Variants in CLOCK observed in about 807,000 individuals in gnomAD.
The protein encoded by CLOCK is clock circadian regulator.
A neutral mutation model predicts 118.4 loss-of-function variants in CLOCK; 43 were observed. The observed-to-expected ratio is 0.36, with a 90% confidence interval of 0.28 to 0.47. The LOEUF (loss-of-function observed/expected upper bound fraction) is 0.47, where lower values mean the gene tolerates loss of function less well. CLOCK is among the 20% of genes least tolerant of loss of function. CLOCK has a pLI of 1.00. For synonymous variants in CLOCK, 326 were observed against 339.2 expected, an observed-to-expected ratio of 0.96 and a Z score of 0.43; for missense variants, 846 against 999.9, an observed-to-expected ratio of 0.85 and a Z score of 2.08.
chr4:55,469,933 C>T (rs1726013530), intron 8 of CLOCK, among the ~76,000 whole-genome samples: 1 of 152,102 alleles, frequency 6.6e-6, no homozygotes, highest in East Asian at 1.9e-4. Flanking sequence ...GTCTCAAATG[C>T]CTGAGCTCAA....
chr4:55,522,158 CA>C (rs1729884164), intron 1 of CLOCK, among the ~76,000 whole-genome samples: 2 of 151,990 alleles, frequency 1.3e-5, no homozygotes, highest in Non-Finnish European at 2.9e-5. Context: ...GAAGGCAAAA[CA>C]TATCAATTTT....
chr4:55,486,597 TA>T (rs1727314331), intron 3 of CLOCK: 1 of 152,216 alleles, frequency 6.6e-6, no homozygotes, highest in African/African-American at 2.4e-5. Context: ...TTCGTAAGTC[TA>T]AAACTGTCAT....
intron 11 of CLOCK, 40 bp downstream of exon 11, chr4:55,458,851 TG>T: frequency 7.1e-7 from 1 of 1,416,458 alleles, no homozygotes; most frequent in South Asian, 1.2e-5. Context: ...TCTCAGCATA[TG>T]AACTGAAATC....
intron 6 of CLOCK, among the ~76,000 whole-genome samples, chr4:55,477,963 A>G (rs1726636112): frequency 6.6e-6 from 1 of 152,190 alleles, no homozygotes; most frequent in South Asian, 2.1e-4. Flanking sequence ...GAGGGATAGG[A>G]AGGTAATGTC....
Position 55,462,569 on chromosome 4 carries a change from G to A in CLOCK, c.559+1116C>T, listed in dbSNP as rs559328958. On this transcript the variant is annotated intron_variant, in intron 9 of 22. Transcript: ENST00000513440. Reference sequence around the variant, plus strand: ...GCTGGGATTACAGGCATGAGCTACCGGGCCTGGCTGGCTTCCACCTTTCTA... The same window carrying A: ...GCTGGGATTACAGGCATGAGCTACCAGGCCTGGCTGGCTTCCACCTTTCTA... Among the ~76,000 whole-genome samples the A allele has an allele frequency of 4.5e-4, 68 of 152,218 alleles. No homozygotes were observed. The South Asian group carries it at 0.013, about 30-fold the overall frequency.
At chr4:55,524,082 G>C (rs895507587) in intron 1 of CLOCK, among the ~76,000 whole-genome samples, 1 of 152,012 alleles carries the variant, frequency 6.6e-6, no homozygotes, top group Non-Finnish European at 1.5e-5. Flanking sequence ...GATGGTGTAA[G>C]GCTCATCAGA....
chr4:55,478,593 C>A (rs1227928095), intron 6 of CLOCK, among the ~76,000 whole-genome samples: 1 of 152,144 alleles, frequency 6.6e-6, no homozygotes, highest in African/African-American at 2.4e-5. Context: ...GACTTAACTT[C>A]AAATCCAGGA....
intron 4 of CLOCK, 40 bp downstream of exon 4, chr4:55,482,699 A>G (rs1367349686): frequency 7.3e-7 from 1 of 1,371,858 alleles, no homozygotes; most frequent in African/African-American, 1.5e-5. Context: ...GCATTTTAAA[A>G]TAATTATATA....
intron 1 of CLOCK, chr4:55,540,507 C>T (rs1731200268): frequency 6.6e-6 from 1 of 151,936 alleles, no homozygotes; most frequent in African/African-American, 2.4e-5. Flanking sequence ...TTGGTATATC[C>T]CCCATGTGTG....
At chr4:55,475,853 T>C in intron 7 of CLOCK, 110 bp downstream of exon 7, 2 of 718,092 alleles carry the variant, frequency 2.8e-6, no homozygotes, top group Non-Finnish European at 5.0e-6. Flanking sequence ...TTTATTGCAG[T>C]GGTCTGGAAC....
chr4:55,439,842 G>C (rs1723205416), intron 21 of CLOCK, among the ~76,000 whole-genome samples: 1 of 152,120 alleles, frequency 6.6e-6, no homozygotes, highest in African/African-American at 2.4e-5. Context: ...TGGTGGTTGG[G>C]GAGAGAAGAA....
intron 2 of CLOCK, among the ~76,000 whole-genome samples, chr4:55,495,938 C>G (rs1728040946): frequency 6.6e-6 from 1 of 152,070 alleles, no homozygotes; most frequent in Admixed American, 6.5e-5. Context: ...CCTGTAATCC[C>G]AGCACTTTGG....
At chr4:55,539,100 T>C (rs1731086909) in intron 1 of CLOCK, among the ~76,000 whole-genome samples, 1 of 151,956 alleles carries the variant, frequency 6.6e-6, no homozygotes, top group African/African-American at 2.4e-5. Flanking sequence ...CTGGGTATGG[T>C]AGCACATGCC....
At chr4:55,527,550 G>T (rs192129311) in intron 1 of CLOCK, among the ~76,000 whole-genome samples, 16 of 152,070 alleles carry the variant, frequency 1.1e-4, no homozygotes, top group Admixed American at 8.5e-4. Flanking sequence ...ATATAGGCAT[G>T]ACTGAAAATG....
chr4:55,542,099 G>C (rs1264008624), intron 1 of CLOCK, among the ~76,000 whole-genome samples: 1 of 151,798 alleles, frequency 6.6e-6, no homozygotes, highest in African/African-American at 2.4e-5. Flanking sequence ...CCAGCACTTT[G>C]GGAGGCCGAG....
intron 3 of CLOCK, among the ~76,000 whole-genome samples, chr4:55,484,741 A>G (rs1476922298): frequency 6.6e-6 from 1 of 152,146 alleles, no homozygotes; most frequent in East Asian, 1.9e-4. Context: ...AGAAAATAAG[A>G]CAAACTACCA....
rs577884806 is a variant in CLOCK, at chr4:55,433,824, G to A, written c.*1591C>T. 1.3e-5 allele frequency: 2 copies of A among 152,220 alleles called. No individual in the cohort carries two copies. The highest frequency in any genetic ancestry group is 4.8e-5 in the African/African-American group (2 of 41,538). 9.4% of individuals were successfully genotyped at this position (152,220 alleles called of 1,614,324 possible). On this transcript the variant is annotated 3_prime_UTR_variant, in exon 23 of 23. Transcript: ENST00000513440. ...GGAAATCTTAGTTCACGTTTAGAAG[G>A]CATGTGAGTTACAATATTCTAATGT...
intron 21 of CLOCK, among the ~76,000 whole-genome samples, chr4:55,439,443 G>A (rs1357278085): frequency 6.6e-6 from 1 of 152,148 alleles, no homozygotes; most frequent in East Asian, 1.9e-4. Flanking sequence ...AGCCACTATG[G>A]AAAACAGTAT....
chr4:55,486,565 T>C (rs1207133138), intron 3 of CLOCK: 1 of 152,166 alleles, frequency 6.6e-6, no homozygotes, highest in Non-Finnish European at 1.5e-5. Flanking sequence ...AAAGGGGACA[T>C]GACAGGTAAA....
Sources: gnomAD v4.1 joint callset for allele counts (sites outside exome capture counted in the v4.1 genomes callset) on GRCh38, gnomAD v4.1.1 for gene constraint, MANE v1.5 for transcripts, NCBI Gene and HGNC (gene_info 2026-07-23, HGNC 2026-07-21) for gene names.